The following HDAC9 variants were observed in gnomAD, a reference collection of about 807,000 sequenced individuals.
HDAC9 encodes MEF-2 interacting transcription repressor (MITR) protein.
Under a neutral mutation model 139.4 loss-of-function variants are expected in HDAC9, and 41 were observed. The ratio of observed to expected loss-of-function variants is 0.29; its 90% CI spans 0.23 to 0.38. The LOEUF (loss-of-function observed/expected upper bound fraction) is 0.38, where lower values mean the gene tolerates loss of function less well. Ranked by LOEUF, HDAC9 falls within the 10% of genes least tolerant of loss-of-function variation. The pLI, the probability that HDAC9 is intolerant of heterozygous loss-of-function variation, is 1.00. For synonymous variants in HDAC9, 517 were observed against 476.2 expected (o/e 1.09, Z -1.12); for missense variants, 1,147 against 1,297.0 (o/e 0.88, Z 1.78).
intron 1 of HDAC9, among the ~76,000 whole-genome samples, chr7:18,343,308 T>C (rs1226224000): frequency 3.3e-5 from 5 of 151,852 alleles, no homozygotes; most frequent in Non-Finnish European, 7.4e-5. Flanking sequence ...GTAAATACTT[T>C]ATGTCTTATG....
intron 23 of HDAC9, among the ~76,000 whole-genome samples, chr7:18,937,030 A>ATTT (rs768350029): frequency 0.019 from 1,877 of 96,682 alleles, 68 homozygotes; most frequent in Non-Finnish European, 0.027. Context: ...GCTCTTGTTA[A>ATTT]TTTTTTTTTT....
Position 18,997,949 on chromosome 7 carries a change from G to C in HDAC9, c.*1887G>C, listed in dbSNP as rs1035926333. On this transcript the variant is annotated 3_prime_UTR_variant, in exon 26 of 26. Transcript: ENST00000686413. ...ATTAGGTAAAAATTGCTTTCATTGC[G>C]TAAGGGCAAATTCAGTCTAGATTCA... 7 of 152,024 alleles carry C rather than the reference G, an allele frequency of 4.6e-5. No homozygotes were observed. Among genetic ancestry groups the C allele is most frequent in the Admixed American group, 2.6e-4 (4 of 15,260 alleles). 9.4% of individuals were successfully genotyped at this position (152,024 alleles called of 1,614,324 possible).
chr7:18,101,467 A>G (rs957491767), intron 1 of HDAC9, among the ~76,000 whole-genome samples: 5 of 152,192 alleles, frequency 3.3e-5, no homozygotes, highest in African/African-American at 1.2e-4. Flanking sequence ...CAGGGGGATA[A>G]TTCCAATCCC....
chr7:18,871,178 T>C (rs1798890030), intron 21 of HDAC9, among the ~76,000 whole-genome samples: 1 of 152,238 alleles, frequency 6.6e-6, no homozygotes. Flanking sequence ...ACTATCATTA[T>C]TTATTTTGCT....
chr7:18,376,685 AAGG>A (rs1479933354), intron 1 of HDAC9, among the ~76,000 whole-genome samples: 4 of 152,120 alleles, frequency 2.6e-5, no homozygotes, highest in Non-Finnish European at 5.9e-5. Flanking sequence ...TGCTGAAGCT[AAGG>A]TCCAGTTAAT....
chr7:18,462,302 T>G (rs184256755), intron 1 of HDAC9, among the ~76,000 whole-genome samples: 2 of 152,176 alleles, frequency 1.3e-5, no homozygotes, highest in Non-Finnish European at 2.9e-5. Context: ...CATCCACTCT[T>G]CATAGAACTG....
At chr7:18,220,928 G>A (rs1792655692) in intron 2 of HDAC9, among the ~76,000 whole-genome samples, 2 of 152,078 alleles carry the variant, frequency 1.3e-5, no homozygotes, top group Non-Finnish European at 1.5e-5. Flanking sequence ...GTTCTCTTAT[G>A]AATATGTTGT....
At chr7:18,294,026 A>G (rs903182155) in intron 1 of HDAC9, among the ~76,000 whole-genome samples, 3 of 152,150 alleles carry the variant, frequency 2.0e-5, no homozygotes, top group African/African-American at 7.2e-5. Flanking sequence ...TTCCCTTGAG[A>G]TGAATTCTGT....
intron 6 of HDAC9, among the ~76,000 whole-genome samples, chr7:18,594,368 C>A (rs1428247077): frequency 3.9e-5 from 6 of 152,026 alleles, no homozygotes; most frequent in Admixed American, 1.3e-4. Context: ...TAATATCTTT[C>A]ATTGTCCTGT....
At chr7:18,242,949 A>G (rs1794283836) in intron 2 of HDAC9, among the ~76,000 whole-genome samples, 1 of 152,254 alleles carries the variant, frequency 6.6e-6, no homozygotes. Flanking sequence ...AGCACAAAAC[A>G]ATAGATACTG....
At chr7:18,387,938 G>GGA (rs1483761657) in intron 1 of HDAC9, among the ~76,000 whole-genome samples, 1 of 138,166 alleles carries the variant, frequency 7.2e-6, no homozygotes, top group Non-Finnish European at 1.6e-5. Context: ...AATAATCTGT[G>GGA]GAGAGAAAAA....
intron 2 of HDAC9, among the ~76,000 whole-genome samples, chr7:18,220,308 G>T (rs539074829): frequency 6.6e-6 from 1 of 152,264 alleles, no homozygotes; most frequent in Non-Finnish European, 1.5e-5. Flanking sequence ...TTTGCTGAAA[G>T]ATTAAAAATA....
At chr7:18,303,815 T>C (rs1307684244) in intron 1 of HDAC9, among the ~76,000 whole-genome samples, 1 of 152,232 alleles carries the variant, frequency 6.6e-6, no homozygotes, top group Non-Finnish European at 1.5e-5. Context: ...TCCATGTTCC[T>C]TCCCCGTTCT....
intron 1 of HDAC9, among the ~76,000 whole-genome samples, chr7:18,365,172 G>T (rs1320526035): frequency 6.6e-6 from 1 of 152,072 alleles, no homozygotes; most frequent in East Asian, 1.9e-4. Flanking sequence ...TGTTTGCTGG[G>T]AGTAAGTAGG....
chr7:18,644,615 T>G (rs1786767633), intron 8 of HDAC9, 56 bp from the exon 9 acceptor site: 2 of 1,498,334 alleles, frequency 1.3e-6, no homozygotes, highest in Non-Finnish European at 1.8e-6. Context: ...TGAGAACATT[T>G]TACAGTAAAA....
At chr7:18,466,206 A>G (rs1353717944) in intron 1 of HDAC9, among the ~76,000 whole-genome samples, 1 of 151,982 alleles carries the variant, frequency 6.6e-6, no homozygotes, top group African/African-American at 2.4e-5. Flanking sequence ...TTATGTATTT[A>G]TTTATTTAGA....
intron 1 of HDAC9, among the ~76,000 whole-genome samples, chr7:18,120,846 G>T (rs1013489991): frequency 1.3e-5 from 2 of 152,138 alleles, no homozygotes; most frequent in Non-Finnish European, 2.9e-5. Context: ...CTTCTCTTGG[G>T]CATGATGGTG....
intron 17 of HDAC9, among the ~76,000 whole-genome samples, chr7:18,818,764 GA>G (rs989934951): frequency 1.3e-5 from 2 of 152,020 alleles, no homozygotes; most frequent in Non-Finnish European, 2.9e-5. Context: ...TCATGATTTT[GA>G]AGCCTAAATT....
intron 2 of HDAC9, among the ~76,000 whole-genome samples, chr7:18,529,271 T>A (rs1808041732): frequency 6.6e-6 from 1 of 152,182 alleles, no homozygotes; most frequent in African/African-American, 2.4e-5. Context: ...CCCCTTCTTT[T>A]CCTTCCTCAT....
Sources: allele counts gnomAD v4.1 joint callset (sites outside exome capture counted in the v4.1 genomes callset), GRCh38; gene constraint gnomAD v4.1.1; transcripts MANE v1.5; gene names NCBI Gene and HGNC (gene_info 2026-07-23, HGNC 2026-07-21).